Variants in CFAP299 observed in about 807,000 individuals in gnomAD.
The protein encoded by CFAP299 is cilia- and flagella-associated protein 299.
CFAP299 carries 21 observed loss-of-function variants against 27.0 expected under a neutral mutation model. The ratio of observed to expected loss-of-function variants is 0.78; its 90% CI spans 0.55 to 1.12. CFAP299 has a LOEUF of 1.12. Ranked by LOEUF, CFAP299 falls within the 50% of genes most tolerant of loss-of-function variation. The pLI is 0.00. For missense variants in CFAP299, 310 were observed against 276.6 expected, an observed-to-expected ratio of 1.12 and a Z score of -0.86; for synonymous variants, 104 against 98.1, an observed-to-expected ratio of 1.06 and a Z score of -0.36.
At chr4:80,608,488 A>G (rs1737794736) in intron 3 of CFAP299, 2 of 593,472 alleles carry the variant, frequency 3.4e-6, no homozygotes, top group Admixed American at 2.6e-5. Flanking sequence ...TGTTTTCCGA[A>G]TTACTCACCA....
intron 3 of CFAP299, among the ~76,000 whole-genome samples, chr4:80,586,610 G>C (rs1736455786): frequency 6.6e-6 from 1 of 152,086 alleles, no homozygotes; most frequent in South Asian, 2.1e-4. Flanking sequence ...TAGAACATGG[G>C]TCCTCCCTAT....
At chr4:80,336,731 A>G (rs559077284) in intron 1 of CFAP299, 1 of 152,374 alleles carries the variant, frequency 6.6e-6, no homozygotes, top group East Asian at 1.9e-4. Context: ...GGATAGGCCC[A>G]CTGAATGGAC....
rs115518141 is a variant in CFAP299 at position 80,826,610 on chromosome 4, G to A, written c.334-43383G>A. Reference sequence around the variant, plus strand: ...GAAGGCAGATATAGACAGTTCCACAGTAATAGTTCAATGCCCCACACTCAG... The same window carrying A: ...GAAGGCAGATATAGACAGTTCCACAATAATAGTTCAATGCCCCACACTCAG... On this transcript the variant is annotated intron_variant, in intron 3 of 5. Transcript: ENST00000358105. Among the ~76,000 whole-genome samples, 939 of 151,866 alleles carry A rather than the reference G, an allele frequency of 6.2e-3. 8 individuals carry two copies. The highest frequency in any genetic ancestry group is 6.2e-3 in the Non-Finnish European group (417 of 67,722).
chr4:80,455,383 G>T (rs1407363860), intron 2 of CFAP299, among the ~76,000 whole-genome samples: 1 of 152,178 alleles, frequency 6.6e-6, no homozygotes, highest in Non-Finnish European at 1.5e-5. Context: ...AGTCAAGGCA[G>T]TTTCACGGGC....
At chr4:80,697,811 G>A (rs1721205613) in intron 3 of CFAP299, among the ~76,000 whole-genome samples, 1 of 152,206 alleles carries the variant, frequency 6.6e-6, no homozygotes, top group African/African-American at 2.4e-5. Flanking sequence ...GCATAGGATA[G>A]TATATCCTAA....
chr4:80,729,864 A>G (rs867684170), intron 3 of CFAP299, among the ~76,000 whole-genome samples: 2 of 151,880 alleles, frequency 1.3e-5, no homozygotes, highest in South Asian at 4.2e-4. Flanking sequence ...CGGCCTCCCA[A>G]AGTGCTGGGA....
chr4:80,858,193 A>G (rs1472558071), intron 3 of CFAP299, among the ~76,000 whole-genome samples: 3 of 152,174 alleles, frequency 2.0e-5, no homozygotes, highest in East Asian at 3.9e-4. Context: ...GTTCATTTGC[A>G]TAGAGGTGTT....
chr4:80,774,109 A>G (rs1726382006), intron 3 of CFAP299, among the ~76,000 whole-genome samples: 1 of 151,976 alleles, frequency 6.6e-6, no homozygotes, highest in Non-Finnish European at 1.5e-5. Context: ...TTCCCAATGT[A>G]TGAAAAGAAA....
chr4:80,798,637 A>C (rs898361897), intron 3 of CFAP299, among the ~76,000 whole-genome samples: 6 of 152,072 alleles, frequency 3.9e-5, no homozygotes, highest in African/African-American at 1.4e-4. Flanking sequence ...ATTCCAACTC[A>C]GGACAATCTT....
intron 2 of CFAP299, among the ~76,000 whole-genome samples, chr4:80,581,075 G>C (rs1035346858): frequency 6.6e-6 from 1 of 151,726 alleles, no homozygotes; most frequent in Non-Finnish European, 1.5e-5. Flanking sequence ...AACCACTGTT[G>C]ATTTATGTAC....
At chr4:80,549,480 T>C (rs1308302081) in intron 2 of CFAP299, among the ~76,000 whole-genome samples, 1 of 152,194 alleles carries the variant, frequency 6.6e-6, no homozygotes, top group African/African-American at 2.4e-5. Flanking sequence ...TAACAGATGT[T>C]CTCTGAAAAG....
At chr4:80,456,186 G>A (rs934332187) in intron 2 of CFAP299, among the ~76,000 whole-genome samples, 1 of 152,106 alleles carries the variant, frequency 6.6e-6, no homozygotes, top group Admixed American at 6.6e-5. Context: ...GGTGAGTGTG[G>A]CTGGAGTGGG....
chr4:80,889,595 G>A (rs1424513189), intron 4 of CFAP299, among the ~76,000 whole-genome samples: 1 of 151,926 alleles, frequency 6.6e-6, no homozygotes, highest in African/African-American at 2.4e-5. Context: ...AAAAATAGAG[G>A]AAGACAGAAT....
chr4:80,386,915 G>T, intron 2 of CFAP299: 1 of 843,264 alleles, frequency 1.2e-6, no homozygotes, highest in Non-Finnish European at 2.1e-6. Flanking sequence ...TCTCGCCTGA[G>T]TGGTTGTGAG....
At chr4:80,844,373 G>A (rs1731043720) in intron 3 of CFAP299, among the ~76,000 whole-genome samples, 1 of 152,166 alleles carries the variant, frequency 6.6e-6, no homozygotes, top group Non-Finnish European at 1.5e-5. Flanking sequence ...CCCACCAATA[G>A]TGTAAAAGTG....
chr4:80,709,351 A>C (rs1722006538), intron 3 of CFAP299, among the ~76,000 whole-genome samples: 1 of 152,196 alleles, frequency 6.6e-6, no homozygotes, highest in Non-Finnish European at 1.5e-5. Context: ...CCAAGGTTGC[A>C]AACAAGTATA....
chr4:80,383,725 CAA>C (rs1724826660), intron 2 of CFAP299, among the ~76,000 whole-genome samples: 2 of 152,162 alleles, frequency 1.3e-5, no homozygotes, highest in Admixed American at 1.3e-4. Flanking sequence ...TCTAATTTAT[CAA>C]AGTTTATCTT....
chr4:80,942,765 T>C (rs1737264013), intron 4 of CFAP299, among the ~76,000 whole-genome samples: 1 of 152,202 alleles, frequency 6.6e-6, no homozygotes, highest in Non-Finnish European at 1.5e-5. Context: ...TAGAATTATC[T>C]ATATCTATAT....
chr4:80,591,897 A>G (rs549884008), intron 3 of CFAP299, among the ~76,000 whole-genome samples: 2 of 152,336 alleles, frequency 1.3e-5, no homozygotes, highest in South Asian at 4.1e-4. Context: ...AGTATGGTTT[A>G]TTTTTAACAA....
Sources: gnomAD v4.1 joint callset for allele counts (sites outside exome capture counted in the v4.1 genomes callset) on GRCh38, gnomAD v4.1.1 for gene constraint, MANE v1.5 for transcripts, NCBI Gene and HGNC (gene_info 2026-07-23, HGNC 2026-07-21) for gene names.